The following TENM2 variants were observed in gnomAD, a reference collection of about 807,000 sequenced individuals.
The protein encoded by TENM2 is teneurin-2.
Under a neutral mutation model 245.2 loss-of-function variants are expected in TENM2, and 52 were observed. That is an observed-to-expected ratio of 0.21 (90% CI 0.17 to 0.27). The LOEUF is 0.27. Ranked by LOEUF, TENM2 falls within the 10% of genes least tolerant of loss-of-function variation. TENM2 has a pLI of 1.00. For synonymous variants in TENM2, 1,363 were observed against 1,438.9 expected (o/e 0.95, Z 1.19); for missense variants, 3,046 against 3,666.8 (o/e 0.83, Z 4.37).
chr5:167,897,830 C>T (rs779762829), intron 3 of TENM2, among the ~76,000 whole-genome samples: 5 of 149,142 alleles, frequency 3.4e-5, no homozygotes, highest in African/African-American at 9.9e-5. Context: ...ATGGAGAGAA[C>T]GAAACAGAGA....
intron 4 of TENM2, among the ~76,000 whole-genome samples, chr5:167,987,057 G>A (rs968377871): frequency 1.3e-5 from 2 of 152,114 alleles, no homozygotes; most frequent in Admixed American, 6.5e-5. Flanking sequence ...TGGTTTCAAC[G>A]ATTGCTATCA....
At chr5:167,859,166 C>T (rs1440652544) in intron 2 of TENM2, among the ~76,000 whole-genome samples, 181 of 91,370 alleles carry the variant, frequency 2.0e-3, no homozygotes, top group Non-Finnish European at 3.2e-3. Flanking sequence ...GCCGAGACCC[C>T]GTCTGGGAGG....
intron 2 of TENM2, among the ~76,000 whole-genome samples, chr5:167,795,623 G>T (rs1055736306): frequency 6.6e-6 from 1 of 152,058 alleles, no homozygotes; most frequent in Admixed American, 6.6e-5. Flanking sequence ...ATGCAAGGTG[G>T]AGAAGCCACA....
At chr5:168,138,755 G>T (rs1434256504) in intron 12 of TENM2, among the ~76,000 whole-genome samples, 4 of 152,172 alleles carry the variant, frequency 2.6e-5, no homozygotes, top group Admixed American at 1.3e-4. Context: ...ACATGTCTGG[G>T]GTCTACACCC....
the TENM2 span, among the ~76,000 whole-genome samples, chr5:167,110,721 C>T: frequency 2.6e-5 from 4 of 152,278 alleles, no homozygotes; most frequent in East Asian, 7.7e-4. Flanking sequence ...GTGGGATCTT[C>T]AGTGTTTTTA....
chr5:167,965,264 G>A lies in TENM2; in HGVS notation c.947+12442G>A, dbSNP rs546468421. 3 of 152,250 alleles carry A rather than the reference G, an allele frequency of 2.0e-5. No individual in the cohort carries two copies. The East Asian group carries it at 5.8e-4, about 29-fold the overall frequency. 9.4% of individuals were successfully genotyped at this position (152,250 alleles called of 1,614,324 possible). A position where few individuals can be genotyped will look rare whatever the true frequency, so the allele number is the denominator to read the frequency against. On this transcript the variant is annotated intron_variant, in intron 4 of 28. Coordinates refer to ENST00000518659, the Ensembl canonical transcript of TENM2. ...GGCAGAAAACAAAAGTTCAGTTTTG[G>A]ACATGTTACATTTATGAGGCAAGAG...
intron 1 of TENM2, among the ~76,000 whole-genome samples, chr5:167,293,349 G>T (rs967903451): frequency 6.6e-6 from 1 of 150,850 alleles, no homozygotes; most frequent in Non-Finnish European, 1.5e-5. Flanking sequence ...TTACAGGGAT[G>T]CGTCACCATG....
chr5:167,180,665 G>A, the TENM2 span, among the ~76,000 whole-genome samples: 3 of 152,018 alleles, frequency 2.0e-5, no homozygotes, highest in Non-Finnish European at 4.4e-5. Flanking sequence ...ATTAACACAG[G>A]TTTTATAGGT....
chr5:168,151,656 G>A (rs1756665148), intron 12 of TENM2, among the ~76,000 whole-genome samples: 1 of 152,216 alleles, frequency 6.6e-6, no homozygotes, highest in Non-Finnish European at 1.5e-5. Context: ...AACCCAGGCT[G>A]CCCAGATTCA....
At chr5:167,088,743 G>A in the TENM2 span, among the ~76,000 whole-genome samples, 74 of 152,202 alleles carry the variant, frequency 4.9e-4, no homozygotes, top group African/African-American at 1.6e-3. Context: ...AACTACTGCC[G>A]TTTATTTAGT....
the TENM2 span, among the ~76,000 whole-genome samples, chr5:166,982,077 C>T: frequency 2.0e-5 from 3 of 152,094 alleles, no homozygotes; most frequent in African/African-American, 7.2e-5. Context: ...ATACTATCAT[C>T]TTGATAGCCT....
At chr5:167,298,501 G>T (rs979072355) in intron 1 of TENM2, among the ~76,000 whole-genome samples, 2 of 152,186 alleles carry the variant, frequency 1.3e-5, no homozygotes, top group Non-Finnish European at 2.9e-5. Flanking sequence ...TACTCGGGAG[G>T]CTGAGGCAGG....
At chr5:168,105,876 G>A (rs984552978) in intron 9 of TENM2, among the ~76,000 whole-genome samples, 3 of 152,180 alleles carry the variant, frequency 2.0e-5, no homozygotes, top group African/African-American at 7.2e-5. Flanking sequence ...TGGGCTAGAG[G>A]TTTTTTAATT....
intron 9 of TENM2, among the ~76,000 whole-genome samples, chr5:168,100,404 A>C (rs572378010): frequency 1.5e-4 from 23 of 152,066 alleles, no homozygotes; most frequent in South Asian, 8.3e-4. Flanking sequence ...AAGGATTATA[A>C]ATCATTCTAC....
intron 2 of TENM2, among the ~76,000 whole-genome samples, chr5:167,869,248 G>C (rs894155994): frequency 6.6e-6 from 1 of 152,218 alleles, no homozygotes; most frequent in African/African-American, 2.4e-5. Context: ...TATTACATCT[G>C]TTGGAGCCCA....
intron 2 of TENM2, among the ~76,000 whole-genome samples, chr5:167,798,627 C>G (rs1479955090): frequency 6.6e-6 from 1 of 152,188 alleles, no homozygotes; most frequent in Non-Finnish European, 1.5e-5. Context: ...AGTATTCCAA[C>G]AGATCGCAGA....
intron 13 of TENM2, among the ~76,000 whole-genome samples, chr5:168,184,877 C>T (rs1281210696): frequency 3.3e-5 from 5 of 152,174 alleles, no homozygotes; most frequent in East Asian, 1.9e-4. Flanking sequence ...GGGATTGAAA[C>T]GGCTGACAAA....
chr5:167,558,586 A>G (rs897863924), intron 2 of TENM2, among the ~76,000 whole-genome samples: 1 of 152,176 alleles, frequency 6.6e-6, no homozygotes, highest in Admixed American at 6.5e-5. Flanking sequence ...ATGCGCATGC[A>G]TGGGATCTAG....
At chr5:167,776,161 C>CCCACACACA (rs368145911) in intron 2 of TENM2, among the ~76,000 whole-genome samples, 1 of 133,110 alleles carries the variant, frequency 7.5e-6, no homozygotes. Flanking sequence ...AAAAAAAAAT[C>CCCACACACA]CACACACACA....
Sources: gnomAD v4.1 joint callset for allele counts (sites outside exome capture counted in the v4.1 genomes callset) on GRCh38, gnomAD v4.1.1 for gene constraint, MANE v1.5 for transcripts, NCBI Gene and HGNC (gene_info 2026-07-23, HGNC 2026-07-21) for gene names.